Variants in PCDHA1 observed in about 807,000 individuals in gnomAD.
PCDHA1 encodes protocadherin alpha-1.
Under a neutral mutation model 61.3 loss-of-function variants are expected in PCDHA1, and 42 were observed. The ratio of observed to expected loss-of-function variants is 0.69; its 90% CI spans 0.54 to 0.89. The LOEUF is 0.89. PCDHA1 is among the 40% of genes least tolerant of loss of function. PCDHA1 has a pLI of 0.00. For synonymous variants in PCDHA1, 610 were observed against 553.8 expected (o/e 1.10, Z -1.43); for missense variants, 1,256 against 1,235.3 (o/e 1.02, Z -0.25).
intron 1 of PCDHA1, among the ~76,000 whole-genome samples, chr5:140,901,632 G>A (rs768343428): frequency 6.6e-5 from 10 of 152,172 alleles, no homozygotes; most frequent in Non-Finnish European, 1.3e-4. Flanking sequence ...GTCAGGTAAT[G>A]TGATTCTTCC....
At chr5:140,929,175 A>G (rs1554206790) in intron 1 of PCDHA1, 2 of 1,614,126 alleles carry the variant, frequency 1.2e-6, no homozygotes, top group East Asian at 4.5e-5. Flanking sequence ...CCTCTCTGGG[A>G]CTTGGTTCTG....
At chr5:140,856,778 C>T (rs782280474) in intron 1 of PCDHA1, 2 of 1,596,260 alleles carry the variant, frequency 1.3e-6, no homozygotes, top group Admixed American at 3.4e-5. Context: ...CTTTGACAGA[C>T]CGGTTTATGA....
chr5:140,806,081 A>G (rs1763681321), intron 1 of PCDHA1, among the ~76,000 whole-genome samples: 1 of 152,236 alleles, frequency 6.6e-6, no homozygotes, highest in Admixed American at 6.5e-5. Context: ...CAGTTTGTAA[A>G]AGAAGAAAAA....
chr5:140,957,827 T>C (rs2095387768), intron 1 of PCDHA1, among the ~76,000 whole-genome samples: 1 of 150,810 alleles, frequency 6.6e-6, no homozygotes, highest in Admixed American at 6.7e-5. Flanking sequence ...TAAGAGAAAG[T>C]GTTAATTGAT....
At chr5:141,000,103 G>A (rs551643743) in intron 3 of PCDHA1, among the ~76,000 whole-genome samples, 15 of 152,186 alleles carry the variant, frequency 9.9e-5, no homozygotes, top group Admixed American at 5.2e-4. Context: ...GCTCAACTCC[G>A]TCTCTTCCCT....
In PCDHA1 at chr5:140,967,370, G is replaced by A. The variant is rs1554229504; in HGVS notation, c.2395-11579G>A. ...CGAGCTGGACCTTAAGCCCCTGCAGGAGAACAGTAAAGTGCTTGAGCTGGT... is the reference window on the plus strand; with the variant it reads ...CGAGCTGGACCTTAAGCCCCTGCAGAAGAACAGTAAAGTGCTTGAGCTGGT... On this transcript the variant is annotated intron_variant, in intron 1 of 3. Transcript: ENST00000504120. The A allele has an allele frequency of 3.1e-6, 5 of 1,607,662 alleles. No individual in the cohort carries two copies. The South Asian group carries it at 3.3e-5, about 11-fold the overall frequency.
At chr5:140,908,248 C>G (rs2073877594) in intron 1 of PCDHA1, among the ~76,000 whole-genome samples, 2 of 152,154 alleles carry the variant, frequency 1.3e-5, no homozygotes, top group South Asian at 4.1e-4. Context: ...TCCTCATCAA[C>G]TGATCATAGG....
At chr5:141,003,676 C>T (rs2098133802) in intron 3 of PCDHA1, among the ~76,000 whole-genome samples, 2 of 152,124 alleles carry the variant, frequency 1.3e-5, no homozygotes, top group East Asian at 1.9e-4. Context: ...ATATGTTGTT[C>T]TGATTTTAAA....
At chr5:140,809,443 G>A in intron 1 of PCDHA1, 1 of 1,614,252 alleles carries the variant, frequency 6.2e-7, no homozygotes, top group Non-Finnish European at 8.5e-7. Flanking sequence ...CATACTCGCA[G>A]CAGAGGAGGC....
intron 1 of PCDHA1, among the ~76,000 whole-genome samples, chr5:140,976,450 C>T (rs2096717096): frequency 6.6e-6 from 1 of 152,040 alleles, no homozygotes; most frequent in South Asian, 2.1e-4. Flanking sequence ...ACTAGGGAGG[C>T]TGGGGAAGAA....
chr5:141,007,158 A>C (rs1231758700), intron 3 of PCDHA1, among the ~76,000 whole-genome samples: 1 of 152,198 alleles, frequency 6.6e-6, no homozygotes, highest in African/African-American at 2.4e-5. Context: ...CTGTCAAAGA[A>C]CAGTCAGAGA....
At chr5:140,897,412 C>T (rs1304528785) in intron 1 of PCDHA1, among the ~76,000 whole-genome samples, 1 of 143,354 alleles carries the variant, frequency 7.0e-6, no homozygotes, top group Non-Finnish European at 1.5e-5. Context: ...TTGTTCAATT[C>T]CCATCTATGA....
chr5:140,809,153 G>T (rs558715293), intron 1 of PCDHA1: 2 of 1,613,816 alleles, frequency 1.2e-6, no homozygotes, highest in African/African-American at 1.3e-5. Context: ...GGACCACGGC[G>T]AGCCCGCGCT....
rs782203644 is a variant in PCDHA1, at chr5:140,786,432, G to A, written c.142G>A (p.Val48Ile). 5.0e-6 allele frequency: 8 copies of A among 1,613,474 alleles called. No homozygotes were observed. The highest frequency in any genetic ancestry group is 1.7e-5 in the Admixed American group (1 of 60,036). The change falls in exon 1 of 4, where the codon GTT (valine) becomes ATT (isoleucine). Residue 48 changes from valine (V) to isoleucine (I), a missense_variant. Val to Ile is a conservative substitution (Grantham distance 29). Coordinates refer to ENST00000504120, the MANE Select transcript of PCDHA1 (RefSeq NM_018900.4). ...EAKHGTFVGR[V>I]AQDLGLELAE... ...CAAACACGGCACCTTCGTTGGCCGC[G>A]TTGCTCAGGACCTGGGACTGGAGCT...
chr5:140,801,835 C>G, intron 1 of PCDHA1: 1 of 1,614,054 alleles, frequency 6.2e-7, no homozygotes, highest in South Asian at 1.1e-5. Context: ...TTACTAATAA[C>G]AGCAATTGAT....
chr5:140,825,205 C>T (rs1768477238), intron 1 of PCDHA1: 1 of 151,526 alleles, frequency 6.6e-6, no homozygotes, highest in South Asian at 2.1e-4. Flanking sequence ...ATTATCATTA[C>T]TGAAGTAGAT....
intron 1 of PCDHA1, chr5:140,822,763 T>A: frequency 6.2e-7 from 1 of 1,614,086 alleles, no homozygotes; most frequent in Non-Finnish European, 8.5e-7. Context: ...ATTCCCATTA[T>A]CAGGACACTG....
chr5:140,968,068 C>T (rs1554230278), intron 1 of PCDHA1: 1 of 1,614,024 alleles, frequency 6.2e-7, no homozygotes, highest in East Asian at 2.2e-5. Context: ...GGGTGGCTGT[C>T]TACAACATCA....
At chr5:140,879,910 T>C (rs2058174335) in intron 1 of PCDHA1, among the ~76,000 whole-genome samples, 1 of 152,194 alleles carries the variant, frequency 6.6e-6, no homozygotes, top group Non-Finnish European at 1.5e-5. Context: ...TCTCTATGTG[T>C]TGGTTTTACA....
Sources: allele counts gnomAD v4.1 joint callset (sites outside exome capture counted in the v4.1 genomes callset), GRCh38; gene constraint gnomAD v4.1.1; transcripts MANE v1.5; gene names NCBI Gene and HGNC (gene_info 2026-07-23, HGNC 2026-07-21).